Variants in FRMD5 observed in about 807,000 individuals in gnomAD.
FRMD5 encodes FERM domain-containing protein 5.
FRMD5 carries 20 observed loss-of-function variants against 69.0 expected under a neutral mutation model. That is an observed-to-expected ratio of 0.29 (90% CI 0.20 to 0.42). The LOEUF is 0.42. FRMD5 is among the 10% of genes least tolerant of loss of function. The pLI is 1.00. For synonymous variants in FRMD5, 271 were observed against 260.1 expected, an observed-to-expected ratio of 1.04 and a Z score of -0.40; for missense variants, 595 against 708.6, an observed-to-expected ratio of 0.84 and a Z score of 1.82.
chr15:43,957,006 C>G (rs1381509027), intron 1 of FRMD5, among the ~76,000 whole-genome samples: 1 of 152,120 alleles, frequency 6.6e-6, no homozygotes, highest in Non-Finnish European at 1.5e-5. Flanking sequence ...TTAAGTCAGC[C>G]TTTTTAAAGG....
intron 4 of FRMD5, among the ~76,000 whole-genome samples, chr15:43,918,364 C>T (rs2089433014): frequency 6.6e-6 from 1 of 152,216 alleles, no homozygotes; most frequent in Admixed American, 6.5e-5. Context: ...GTGGAGGTTG[C>T]AGTGAGCTGA....
chr15:43,879,750 C>A (rs1322557555), intron 13 of FRMD5: 4 of 398,324 alleles, frequency 1.0e-5, no homozygotes, highest in Admixed American at 8.8e-5. Context: ...GGGAGAGATA[C>A]AGAGAGGCAA....
intron 1 of FRMD5, among the ~76,000 whole-genome samples, chr15:44,001,721 C>A (rs555073489): frequency 6.6e-6 from 1 of 152,070 alleles, no homozygotes; most frequent in South Asian, 2.1e-4. Flanking sequence ...ATCCTCCTGC[C>A]GCAGCCCCCC....
intron 1 of FRMD5, among the ~76,000 whole-genome samples, chr15:44,089,106 T>C (rs1258808826): frequency 2.6e-5 from 4 of 152,178 alleles, no homozygotes; most frequent in Admixed American, 2.0e-4. Context: ...CAGACTGATA[T>C]AATAGAAAGA....
At chr15:44,156,530 GTA>G (rs1460239375) in intron 1 of FRMD5, among the ~76,000 whole-genome samples, 1 of 152,162 alleles carries the variant, frequency 6.6e-6, no homozygotes, top group Non-Finnish European at 1.5e-5. Context: ...GTAGCTTTTA[GTA>G]TTCTAAACAT....
At chr15:44,124,518 C>A (rs547663792) in intron 1 of FRMD5, among the ~76,000 whole-genome samples, 1 of 151,276 alleles carries the variant, frequency 6.6e-6, no homozygotes, top group South Asian at 2.1e-4. Context: ...GCTAACACGG[C>A]GAAACCCTGT....
chr15:43,905,743 C>T (rs759015229), intron 6 of FRMD5, 85 bp downstream of exon 6: 16 of 1,542,838 alleles, frequency 1.0e-5, no homozygotes, highest in Admixed American at 3.5e-5. Flanking sequence ...AAACAGTCTG[C>T]GAGAACAGAG....
intron 1 of FRMD5, among the ~76,000 whole-genome samples, chr15:43,981,926 C>T (rs1327990235): frequency 6.6e-6 from 1 of 152,242 alleles, no homozygotes; most frequent in Non-Finnish European, 1.5e-5. Context: ...TCTACAATCT[C>T]TTTCATGATT....
intron 1 of FRMD5, among the ~76,000 whole-genome samples, chr15:44,168,061 T>C (rs1467037639): frequency 5.3e-5 from 8 of 152,222 alleles, no homozygotes; most frequent in African/African-American, 1.9e-4. Flanking sequence ...CCATTACCAA[T>C]CAATCAATAA....
intron 7 of FRMD5, among the ~76,000 whole-genome samples, chr15:43,899,094 T>C (rs1361361922): frequency 6.6e-6 from 1 of 152,202 alleles, no homozygotes; most frequent in African/African-American, 2.4e-5. Context: ...GGCCCAGTAA[T>C]TGCCTCTCTG....
chr15:44,162,878 A>G (rs2077642771), intron 1 of FRMD5, among the ~76,000 whole-genome samples: 1 of 145,028 alleles, frequency 6.9e-6, no homozygotes. Context: ...AAAAAAAAAA[A>G]AAAAAAAAAA....
At chr15:44,037,906 T>C (rs1891994792) in intron 1 of FRMD5, among the ~76,000 whole-genome samples, 1 of 152,198 alleles carries the variant, frequency 6.6e-6, no homozygotes, top group South Asian at 2.1e-4. Flanking sequence ...GTTGAACTAA[T>C]TTACACTCCC....
intron 1 of FRMD5, among the ~76,000 whole-genome samples, chr15:43,947,459 T>A (rs909950047): frequency 4.1e-4 from 62 of 152,342 alleles, no homozygotes; most frequent in African/African-American, 1.4e-3. Flanking sequence ...TATGGCTTTA[T>A]AAAAAGCAAT....
chr15:44,069,632 G>T (rs1452906361), intron 1 of FRMD5, among the ~76,000 whole-genome samples: 1 of 152,232 alleles, frequency 6.6e-6, no homozygotes, highest in African/African-American at 2.4e-5. Flanking sequence ...AATGGGGAAA[G>T]GATTAGTAGT....
chr15:44,081,915 A>C (rs1348404448), intron 1 of FRMD5, among the ~76,000 whole-genome samples: 1 of 152,024 alleles, frequency 6.6e-6, no homozygotes, highest in East Asian at 1.9e-4. Flanking sequence ...AATGAAGAAG[A>C]AAAGTGAACC....
intron 1 of FRMD5, among the ~76,000 whole-genome samples, chr15:44,001,390 G>A (rs1190264843): frequency 3.9e-5 from 6 of 151,978 alleles, no homozygotes; most frequent in South Asian, 2.1e-4. Context: ...TCCCTCTGCT[G>A]TGCAGAAACT....
chr15:43,882,302 G>A (rs1158491874), intron 13 of FRMD5, among the ~76,000 whole-genome samples: 1 of 152,130 alleles, frequency 6.6e-6, no homozygotes, highest in Non-Finnish European at 1.5e-5. Flanking sequence ...GGAGGGAGAT[G>A]GGTCGTATTG....
At chr15:44,001,757 C>T (rs1284324550) in intron 1 of FRMD5, among the ~76,000 whole-genome samples, 2 of 152,086 alleles carry the variant, frequency 1.3e-5, no homozygotes, top group East Asian at 1.9e-4. Context: ...CAGGCACATG[C>T]CACCACGCCC....
chr15:43,906,751 G>A (rs541489333), intron 5 of FRMD5, among the ~76,000 whole-genome samples: 18,187 of 122,742 alleles, frequency 0.15, 4,087 homozygotes, highest in African/African-American at 0.54. Flanking sequence ...ACAGGCGCCT[G>A]CCACCTCGCC....
Sources: allele counts gnomAD v4.1 joint callset (sites outside exome capture counted in the v4.1 genomes callset), GRCh38; gene constraint gnomAD v4.1.1; transcripts MANE v1.5; gene names NCBI Gene and HGNC (gene_info 2026-07-23, HGNC 2026-07-21).